ADD2: variants seen among roughly 807,000 people sequenced by gnomAD.
ADD2 encodes the protein beta-adducin.
A neutral mutation model predicts 83.0 loss-of-function variants in ADD2; 23 were observed. The observed-to-expected ratio is 0.28, with a 90% CI of 0.20 to 0.39. The LOEUF is 0.39. Among genes scored for constraint, ADD2 ranks in the 10% least tolerant of loss-of-function variants. The pLI, the probability that ADD2 is intolerant of heterozygous loss-of-function variation, is 1.00. For synonymous variants in ADD2, 375 were observed against 375.4 expected, an observed-to-expected ratio of 1.00 and a Z score of 0.01; for missense variants, 758 against 944.9, an observed-to-expected ratio of 0.80 and a Z score of 2.59.
chr2:70,676,559 C>T lies in ADD2; in HGVS notation c.1593+237G>A. ...AAGCCGGCCGCATCACTCCTGCAGGCAGGCTGGGCTGCTGTTCTCCAGCCC... is the reference window on the plus strand; with the variant it reads ...AAGCCGGCCGCATCACTCCTGCAGGTAGGCTGGGCTGCTGTTCTCCAGCCC... On this transcript the variant is annotated intron_variant, in intron 13 of 15. Coordinates refer to ENST00000264436, the MANE Select transcript of ADD2 (RefSeq NM_001617.4). This position sits in a 1 kb window ranked among gnomAD's most constrained non-coding sequence, Gnocchi z 4.8. 2.1e-6 allele frequency: 3 copies of T among 1,411,206 alleles called. No individual in the cohort carries two copies. The highest frequency in any genetic ancestry group is 2.8e-6 in the Non-Finnish European group (3 of 1,077,552). 87.4% of individuals were successfully genotyped at this position (1,411,206 alleles called of 1,614,324 possible).
chr2:70,695,649 C>A, intron 6 of ADD2, 72 bp downstream of exon 6: 1 of 1,429,736 alleles, frequency 7.0e-7, no homozygotes, highest in Non-Finnish European at 9.8e-7. Context: ...TGGAGATGAC[C>A]TAGCACTGTG....
chr2:70,720,563 C>A (rs973237474), intron 1 of ADD2, among the ~76,000 whole-genome samples: 11 of 152,298 alleles, frequency 7.2e-5, no homozygotes, highest in Non-Finnish European at 1.6e-4. Context: ...CTAAATCTAT[C>A]ATTTTTCTTC....
At chr2:70,672,801 G>T (rs1553367334) in intron 15 of ADD2, 77 bp downstream of exon 15, 3 of 1,483,458 alleles carry the variant, frequency 2.0e-6, no homozygotes, top group Non-Finnish European at 2.7e-6. Context: ...GGGGCAACAC[G>T]AGTGGAAGGC....
chr2:70,693,048 A>G (rs1212744167), intron 6 of ADD2, among the ~76,000 whole-genome samples: 1 of 152,118 alleles, frequency 6.6e-6, no homozygotes, highest in African/African-American at 2.4e-5. Flanking sequence ...CCCTTTCTCA[A>G]CGAGGCTCAA....
In ADD2 at chr2:70,696,287, C is replaced by A; in HGVS notation, c.432G>T (p.Leu144=). 6.2e-7 allele frequency: 1 copy of A among 1,613,722 alleles called. No individual in the cohort carries two copies. Among genetic ancestry groups the A allele is most frequent in the Non-Finnish European group, 8.5e-7 (1 of 1,179,864 alleles). ...TCAGCTGGGCCCAGCCATAGAGGTC[C>A]AGGAGTCGGTAGACACTGCTGATCT... ...RCKISSVYRL[L]DLYGWAQLSD... Residue 144 remains leucine (L), a synonymous_variant, in exon 5 of 16, where the codon CTG becomes CTT. Transcript: ENST00000264436.
chr2:70,722,144 A>C (rs188874064), intron 1 of ADD2, among the ~76,000 whole-genome samples: 1 of 152,220 alleles, frequency 6.6e-6, no homozygotes, highest in Admixed American at 6.5e-5. Flanking sequence ...CATAAAGAAC[A>C]CCTTTCTTTG....
intron 15 of ADD2, among the ~76,000 whole-genome samples, chr2:70,667,583 A>G (rs1308309277): frequency 2.0e-5 from 3 of 152,134 alleles, no homozygotes; most frequent in Non-Finnish European, 4.4e-5. Flanking sequence ...TGATAAAACA[A>G]TATTTCTGGG....
At position 70,658,624 on chromosome 2, in the gene ADD2, CTT is replaced by C. The variant is rs1675436680; in HGVS notation, c.*4799_*4800del. ...CCTCTCCCTCATTTCTTTTCAGACT[CTT>C]TGAGTGCTAAGGTCTTAGAGTTCAA... On this transcript the variant is annotated 3_prime_UTR_variant, in exon 16 of 16. Coordinates refer to ENST00000264436, the MANE Select transcript of ADD2 (RefSeq NM_001617.4). The C allele has an allele frequency of 6.6e-6, 1 of 152,134 alleles. No individual in the cohort carries two copies. The highest frequency in any genetic ancestry group is 2.4e-5 in the African/African-American group (1 of 41,420). 9.4% of individuals were successfully genotyped at this position (152,134 alleles called of 1,614,324 possible).
chr2:70,757,032 T>C (rs1051361246), intron 1 of ADD2, among the ~76,000 whole-genome samples: 1 of 152,170 alleles, frequency 6.6e-6, no homozygotes, highest in Non-Finnish European at 1.5e-5. Flanking sequence ...TTCACCAAGT[T>C]GGTCAGGCTG....
At chr2:70,727,208 T>G (rs1436599266) in intron 1 of ADD2, among the ~76,000 whole-genome samples, 3 of 152,158 alleles carry the variant, frequency 2.0e-5, no homozygotes, top group African/African-American at 7.2e-5. Context: ...AAAGTTATCT[T>G]GTGGCTTTCA....
At chr2:70,682,617 A>G (rs1670516449) in intron 10 of ADD2, among the ~76,000 whole-genome samples, 1 of 152,222 alleles carries the variant, frequency 6.6e-6, no homozygotes, top group Non-Finnish European at 1.5e-5. Flanking sequence ...CACTTCTCTG[A>G]GCAATCTAAG....
chr2:70,683,784 A>T lies in ADD2; in HGVS notation c.949-17T>A. On this transcript the variant is annotated splice_polypyrimidine_tract_variant and intron_variant, in intron 9 of 15. Transcript: ENST00000264436. ...AGCCGACACCTGTAGCAAAGAGCAGAGAGCCCTCAGCCCATGTGCACATGG... is the reference window on the plus strand; with the variant it reads ...AGCCGACACCTGTAGCAAAGAGCAGTGAGCCCTCAGCCCATGTGCACATGG... 6.2e-7 allele frequency: 1 copy of T among 1,602,660 alleles called. No individual in the cohort carries two copies.
chr2:70,673,603 C>T (rs1450075015), intron 14 of ADD2, among the ~76,000 whole-genome samples: 3 of 151,316 alleles, frequency 2.0e-5, no homozygotes, highest in African/African-American at 7.3e-5. Flanking sequence ...TTGGTTTTTG[C>T]TGTTGTTGTT....
intron 3 of ADD2, among the ~76,000 whole-genome samples, chr2:70,705,698 C>G (rs1323150369): frequency 6.6e-6 from 1 of 152,220 alleles, no homozygotes; most frequent in Non-Finnish European, 1.5e-5. Context: ...CTTGCCTTCC[C>G]TTCCCACACC....
intron 1 of ADD2, among the ~76,000 whole-genome samples, chr2:70,740,073 G>A (rs899607210): frequency 1.3e-5 from 2 of 151,884 alleles, no homozygotes; most frequent in African/African-American, 4.8e-5. Context: ...CAATAAATAT[G>A]CACCAGGAAA....
intron 4 of ADD2, among the ~76,000 whole-genome samples, chr2:70,697,768 C>G (rs1030552880): frequency 4.6e-5 from 7 of 152,080 alleles, no homozygotes; most frequent in African/African-American, 1.7e-4. Context: ...ATCGAGTGTG[C>G]CATTAGTGGA....
rs1361528932 is a variant in ADD2 at position 70,706,945 on chromosome 2, C to T, written c.-34-503G>A. ...AGGCGCAGCAAACCACCATGGCACA[C>T]ATTTACCTATGTAACAAACCTGCAC... On this transcript the variant is annotated intron_variant, in intron 2 of 15. Coordinates refer to ENST00000264436, the MANE Select transcript of ADD2 (RefSeq NM_001617.4). The surrounding 1 kb of genome is among the most constrained non-coding windows in gnomAD (Gnocchi z 5.0). Among the ~76,000 whole-genome samples, 1 of 152,118 alleles carries T rather than the reference C, an allele frequency of 6.6e-6. No homozygotes were observed. Among genetic ancestry groups the T allele is most frequent in the Non-Finnish European group, 1.5e-5 (1 of 68,024 alleles).
At chr2:70,714,603 A>G (rs1177730330) in intron 1 of ADD2, among the ~76,000 whole-genome samples, 2 of 152,222 alleles carry the variant, frequency 1.3e-5, no homozygotes, top group Admixed American at 6.5e-5. Flanking sequence ...TGCTCTGCAC[A>G]TCCAGTGCCG....
In ADD2 at chr2:70,658,924, C is replaced by G. The variant is rs1675446882; in HGVS notation, c.*4501G>C. On this transcript the variant is annotated 3_prime_UTR_variant, in exon 16 of 16. Transcript: ENST00000264436. Reference sequence around the variant, plus strand: ...CTTTGGGAAGCCGAGGCAGGTGGATCACGAGGTCAGGAGTTCAAGACCAGC... The same window carrying G: ...CTTTGGGAAGCCGAGGCAGGTGGATGACGAGGTCAGGAGTTCAAGACCAGC... 2 of 151,996 alleles carry G rather than the reference C, an allele frequency of 1.3e-5. No individual in the cohort carries two copies. The highest frequency in any genetic ancestry group is 2.1e-4 in the South Asian group (1 of 4,820). The allele number at this position is 151,996 out of a possible 1,614,324, so 9.4% of individuals were successfully genotyped here. A position where few individuals can be genotyped will look rare whatever the true frequency, so the allele number is the denominator to read the frequency against.
Sources: gnomAD v4.1 joint callset for allele counts (sites outside exome capture counted in the v4.1 genomes callset) on GRCh38, gnomAD v4.1.1 for gene constraint, Gnocchi (gnomAD v3.1) non-coding constraint, MANE v1.5 for transcripts, NCBI Gene and HGNC (gene_info 2026-07-23, HGNC 2026-07-21) for gene names.